IMMP2L: variants seen among roughly 807,000 people sequenced by gnomAD.
The protein encoded by IMMP2L is inner mitochondrial membrane peptidase subunit 2, also known as mitochondrial inner membrane protease subunit 2.
Under a neutral mutation model 19.3 loss-of-function variants are expected in IMMP2L, and 18 were observed. The ratio of observed to expected loss-of-function variants is 0.93; its 90% CI spans 0.64 to 1.38. The LOEUF (loss-of-function observed/expected upper bound fraction) is 1.38. Among genes scored for constraint, IMMP2L ranks in the 40% most tolerant of loss-of-function variants. The probability of loss-of-function intolerance (pLI) is 0.00; values close to 1 mark genes in which losing one functional copy is unlikely to be tolerated. For synonymous variants in IMMP2L, 76 were observed against 73.0 expected (o/e 1.04, Z -0.21); for missense variants, 233 against 218.2 (o/e 1.07, Z -0.43).
intron 4 of IMMP2L, among the ~76,000 whole-genome samples, chr7:110,931,345 G>A (rs943139044): frequency 1.3e-5 from 2 of 152,170 alleles, no homozygotes; most frequent in Non-Finnish European, 2.9e-5. Flanking sequence ...TCTTCATTGA[G>A]TATAGTGTTC....
chr7:110,740,529 A>C (rs181423099), intron 5 of IMMP2L, among the ~76,000 whole-genome samples: 1 of 152,246 alleles, frequency 6.6e-6, no homozygotes, highest in East Asian at 1.9e-4. Context: ...AAAGCATAAA[A>C]TCTGAACAGA....
chr7:111,505,421 C>T (rs1186434255), intron 2 of IMMP2L, among the ~76,000 whole-genome samples: 3 of 151,898 alleles, frequency 2.0e-5, no homozygotes, highest in South Asian at 2.1e-4. Context: ...TGTGGTGATT[C>T]CTCAGGGATC....
In IMMP2L at chr7:111,500,824, C is replaced by T. The variant is rs548747449; in HGVS notation, c.136-13483G>A. Among the ~76,000 whole-genome samples the T allele has an allele frequency of 9.3e-4, 142 of 152,132 alleles. 1 individual carries two copies. In the South Asian group the frequency reaches 0.025, roughly 27 times the overall value. ...CATCCACACCAAAAACCCATCTGTA[C>T]GTCACCATCATCAAAGACCAAAAGT... On this transcript the variant is annotated intron_variant, in intron 2 of 5. Transcript: ENST00000405709.
chr7:110,819,339 C>T (rs1802824421), intron 5 of IMMP2L, among the ~76,000 whole-genome samples: 1 of 151,868 alleles, frequency 6.6e-6, no homozygotes, highest in South Asian at 2.1e-4. Context: ...TGAGAAAGGC[C>T]TTCAAGCCCA....
intron 3 of IMMP2L, among the ~76,000 whole-genome samples, chr7:111,232,734 G>A (rs1164991328): frequency 1.3e-5 from 2 of 151,978 alleles, no homozygotes; most frequent in Non-Finnish European, 2.9e-5. Context: ...AATGTGATTA[G>A]ATCATTCACT....
intron 3 of IMMP2L, among the ~76,000 whole-genome samples, chr7:110,999,607 T>TA (rs150912208): frequency 0.099 from 13,131 of 132,188 alleles, 792 homozygotes; most frequent in African/African-American, 0.18. Flanking sequence ...TTTCGATGAA[T>TA]AAAAAAAAAA....
intron 1 of IMMP2L, among the ~76,000 whole-genome samples, chr7:111,557,721 T>G: frequency 6.6e-6 from 1 of 152,164 alleles, no homozygotes; most frequent in Non-Finnish European, 1.5e-5. Flanking sequence ...TCCTACAGAC[T>G]ATAAGATCCT....
chr7:111,232,247 T>C (rs1365540986), intron 3 of IMMP2L, among the ~76,000 whole-genome samples: 1 of 151,936 alleles, frequency 6.6e-6, no homozygotes, highest in Non-Finnish European at 1.5e-5. Flanking sequence ...AGAAGCAGCT[T>C]AGACTCATGT....
At chr7:111,444,536 G>A (rs1027184661) in intron 3 of IMMP2L, among the ~76,000 whole-genome samples, 1 of 152,138 alleles carries the variant, frequency 6.6e-6, no homozygotes, top group Non-Finnish European at 1.5e-5. Context: ...GTCTAGCATT[G>A]TTAAGTGCCT....
intron 3 of IMMP2L, among the ~76,000 whole-genome samples, chr7:111,142,349 AAAG>A (rs796475079): frequency 0.011 from 56 of 5,182 alleles, 2 homozygotes; most frequent in African/African-American, 0.017. Context: ...AAAAAGAAAG[AAAG>A]AAAGAAAGAA....
chr7:110,791,972 C>T (rs911210791), intron 5 of IMMP2L, among the ~76,000 whole-genome samples: 3 of 152,004 alleles, frequency 2.0e-5, no homozygotes, highest in African/African-American at 7.3e-5. Context: ...GAAATGATCT[C>T]CCTCTATGAG....
At chr7:110,790,280 G>A (rs1800375731) in intron 5 of IMMP2L, among the ~76,000 whole-genome samples, 1 of 151,754 alleles carries the variant, frequency 6.6e-6, no homozygotes, top group African/African-American at 2.4e-5. Context: ...GGTCACAGAG[G>A]TAGCCAAAGG....
chr7:111,469,945 A>G (rs1312857829), intron 3 of IMMP2L, among the ~76,000 whole-genome samples: 1 of 152,118 alleles, frequency 6.6e-6, no homozygotes, highest in African/African-American at 2.4e-5. Context: ...GCAACCTACA[A>G]AATGGGAGAA....
At chr7:111,556,039 T>TATATATATATATATATATATATATATAC (rs1192398339) in intron 1 of IMMP2L, among the ~76,000 whole-genome samples, 1 of 139,594 alleles carries the variant, frequency 7.2e-6, no homozygotes, top group East Asian at 2.2e-4. Flanking sequence ...TATATATACA[T>TATATATATATATATATATATATATATAC]ACCCAAAGAA....
rs1205021241 is a variant in IMMP2L at position 110,972,113 on chromosome 7, G to T, written c.240-8548C>A. ...ACACACAATTTACTCCTTTGAAAAG[G>T]TCAACTTTATGCCCCCAATTGTAGA... On this transcript the variant is annotated intron_variant, in intron 3 of 5. Transcript: ENST00000405709. Among the ~76,000 whole-genome samples, 3 of 151,718 alleles carry T rather than the reference G, an allele frequency of 2.0e-5. 1 individual carries two copies. In the East Asian group the frequency reaches 5.8e-4, roughly 29 times the overall value.
chr7:110,989,090 C>A (rs933036866), intron 3 of IMMP2L, among the ~76,000 whole-genome samples: 1 of 152,068 alleles, frequency 6.6e-6, no homozygotes, highest in Non-Finnish European at 1.5e-5. Flanking sequence ...ACAAAATTAG[C>A]CGGGTGTCGT....
chr7:110,776,778 A>G (rs1374387059), intron 5 of IMMP2L, among the ~76,000 whole-genome samples: 1 of 152,036 alleles, frequency 6.6e-6, no homozygotes, highest in Non-Finnish European at 1.5e-5. Flanking sequence ...AACTCAGCCC[A>G]TGGGTCACCT....
At chr7:111,023,371 G>A (rs1423084548) in intron 3 of IMMP2L, among the ~76,000 whole-genome samples, 4 of 152,010 alleles carry the variant, frequency 2.6e-5, no homozygotes, top group Non-Finnish European at 4.4e-5. Flanking sequence ...CTAGACTAGC[G>A]TGGCTCAAAA....
chr7:111,275,204 C>T (rs193239283), intron 3 of IMMP2L, among the ~76,000 whole-genome samples: 86 of 152,188 alleles, frequency 5.7e-4, no homozygotes, highest in African/African-American at 1.9e-3. Flanking sequence ...TCAATGAGAC[C>T]ACATTGCCCA....
Sources: allele counts gnomAD v4.1 joint callset (sites outside exome capture counted in the v4.1 genomes callset), GRCh38; gene constraint gnomAD v4.1.1; transcripts MANE v1.5; gene names NCBI Gene and HGNC (gene_info 2026-07-23, HGNC 2026-07-21).